Variants in SDHC observed in about 807,000 individuals in gnomAD.
The protein encoded by SDHC is succinate dehydrogenase complex subunit C, also known as succinate dehydrogenase cytochrome b560 subunit, mitochondrial.
SDHC carries 11 observed loss-of-function variants against 22.6 expected under a neutral mutation model. The ratio of observed to expected loss-of-function variants is 0.49; its 90% CI spans 0.31 to 0.81. The LOEUF (loss-of-function observed/expected upper bound fraction) is 0.81, where lower values mean the gene tolerates loss of function less well. SDHC is among the 30% of genes least tolerant of loss of function. The pLI is 0.05. For missense variants in SDHC, 160 were observed against 212.0 expected (o/e 0.75, Z 1.52); for synonymous variants, 80 against 77.8 (o/e 1.03, Z -0.15).
intron 2 of SDHC, 73 bp downstream of exon 2, chr1:161,323,743 T>C: frequency 8.8e-7 from 1 of 1,134,946 alleles, no homozygotes; most frequent in Non-Finnish European, 1.3e-6. Context: ...TCACCCAGGC[T>C]GGAGTGCAAT....
At chr1:161,341,081 C>T (rs1219660742) in intron 4 of SDHC, among the ~76,000 whole-genome samples, 1 of 152,164 alleles carries the variant, frequency 6.6e-6, no homozygotes, top group Non-Finnish European at 1.5e-5. Flanking sequence ...ACCTCATGAT[C>T]CGCCTGCCTC....
At chr1:161,341,489 A>G (rs1671717641) in intron 4 of SDHC, among the ~76,000 whole-genome samples, 1 of 152,184 alleles carries the variant, frequency 6.6e-6, no homozygotes, top group South Asian at 2.1e-4. Context: ...AAGGTTTATT[A>G]TATGGAGTGC....
At chr1:161,314,895 T>C (rs899074160) in intron 1 of SDHC, 7 of 166,398 alleles carry the variant, frequency 4.2e-5, no homozygotes, top group Non-Finnish European at 8.0e-5. Context: ...GCTGTCTGGG[T>C]TCCCAGCGGG....
In SDHC at chr1:161,328,432, G is replaced by C. The variant is rs868556406; in HGVS notation, c.114G>C (p.Met38Ile). 3.1e-6 allele frequency: 5 copies of C among 1,613,774 alleles called. No individual in the cohort carries two copies. The highest frequency in any genetic ancestry group is 3.3e-4 in the Middle Eastern group (2 of 6,042). The change falls in exon 3 of 6, where the codon ATG becomes ATC. Residue 38 changes from methionine (M) to isoleucine (I), a missense_variant. Around this residue, in one of 2 missense-constraint regions of SDHC, gnomAD observed 86 missense variants for 83.4 expected, o/e 1.03. Transcript: ENST00000367975. ...TGGGAACCACGGCCAAAGAAGAGAT[G>C]GAGCGGTTCTGGAATAAGAATATAG... is the stretch of plus-strand genomic sequence containing the variant. ...VPLGTTAKEE[M>I]ERFWNKNIGS...
chr1:161,335,724 C>A (rs1039672994), intron 3 of SDHC, among the ~76,000 whole-genome samples: 4 of 152,026 alleles, frequency 2.6e-5, no homozygotes, highest in African/African-American at 7.2e-5. Flanking sequence ...GCTTCTAGGC[C>A]CGGTCTGTGG....
chr1:161,342,961 ATGCCTAAG>A (rs1671772386), intron 4 of SDHC, among the ~76,000 whole-genome samples: 3 of 152,184 alleles, frequency 2.0e-5, no homozygotes, highest in African/African-American at 7.2e-5. Flanking sequence ...CCTGGGAGCA[ATGCCTAAG>A]TTTTATTCAT....
At chr1:161,318,103 C>T (rs1364681740) in intron 1 of SDHC, among the ~76,000 whole-genome samples, 10 of 151,402 alleles carry the variant, frequency 6.6e-5, no homozygotes, top group Admixed American at 1.3e-4. Flanking sequence ...ACCTGGGAGG[C>T]GGAGGTTGCA....
At chr1:161,327,950 C>G (rs1028016525) in intron 2 of SDHC, among the ~76,000 whole-genome samples, 1 of 151,082 alleles carries the variant, frequency 6.6e-6, no homozygotes, top group Non-Finnish European at 1.5e-5. Flanking sequence ...TAGTGTCACT[C>G]TGGCTCTCCT....
chr1:161,337,767 A>G (rs1325076114), intron 3 of SDHC, among the ~76,000 whole-genome samples: 1 of 152,008 alleles, frequency 6.6e-6, no homozygotes, highest in African/African-American at 2.4e-5. Flanking sequence ...AACAGTGCAT[A>G]TGTTTCTTCT....
chr1:161,346,286 C>T (rs546915202), intron 4 of SDHC, among the ~76,000 whole-genome samples: 1 of 152,288 alleles, frequency 6.6e-6, no homozygotes, highest in African/African-American at 2.4e-5. Context: ...TTTTTCCCAC[C>T]TTCTAATTAA....
At chr1:161,315,068 G>A (rs1173416208) in intron 1 of SDHC, among the ~76,000 whole-genome samples, 1 of 152,194 alleles carries the variant, frequency 6.6e-6, no homozygotes, top group Non-Finnish European at 1.5e-5. Flanking sequence ...TGAATTAGTT[G>A]TCCAGAGAAA....
At chr1:161,319,766 G>A (rs551258499) in intron 1 of SDHC, among the ~76,000 whole-genome samples, 1 of 152,244 alleles carries the variant, frequency 6.6e-6, no homozygotes, top group South Asian at 2.1e-4. Flanking sequence ...GAGTTTTGAA[G>A]GATGAGTTTA....
At chr1:161,342,491 G>T (rs1297726295) in intron 4 of SDHC, among the ~76,000 whole-genome samples, 1 of 151,784 alleles carries the variant, frequency 6.6e-6, no homozygotes, top group African/African-American at 2.4e-5. Flanking sequence ...CTCTCCTGTG[G>T]ATAGTTCCCT....
Position 161,362,728 on chromosome 1 carries a change from G to A in SDHC, c.*295G>A, listed in dbSNP as rs1672576428. On this transcript the variant is annotated 3_prime_UTR_variant, in exon 6 of 6. Transcript: ENST00000367975. ...CTCTCTCCATATTGGGCTTTGATTT[G>A]TGCTGAGGGTCAGCTTTTGGCTCCT... The A allele has an allele frequency of 1.7e-6, 1 of 581,658 alleles. No homozygotes were observed. Among genetic ancestry groups the A allele is most frequent in the African/African-American group, 1.9e-5 (1 of 53,440 alleles). The allele number at this position is 581,658 out of a possible 1,614,324, so 36.0% of individuals were successfully genotyped here.
intron 3 of SDHC, among the ~76,000 whole-genome samples, chr1:161,328,871 T>C (rs1023036700): frequency 2.6e-5 from 4 of 152,192 alleles, no homozygotes; most frequent in African/African-American, 9.6e-5. Flanking sequence ...GTATATAGTA[T>C]ATATGCTAAG....
intron 4 of SDHC, among the ~76,000 whole-genome samples, chr1:161,343,287 A>G (rs1671783899): frequency 6.6e-6 from 1 of 152,004 alleles, no homozygotes; most frequent in Non-Finnish European, 1.5e-5. Context: ...GGGATCCTGT[A>G]TTTAAGGAAC....
intron 3 of SDHC, among the ~76,000 whole-genome samples, chr1:161,340,338 TTTTTG>T (rs531300339): frequency 1.3e-3 from 189 of 146,290 alleles, no homozygotes; most frequent in African/African-American, 4.6e-3. Context: ...AGCTGGTGAT[TTTTTG>T]TTTTGTTTTG....
chr1:161,318,202 A>G (rs562058347), intron 1 of SDHC, among the ~76,000 whole-genome samples: 5 of 152,208 alleles, frequency 3.3e-5, no homozygotes, highest in Admixed American at 3.3e-4. Context: ...GTGTTATACA[A>G]TAGATCTCTT....
chr1:161,323,618 G>A lies in SDHC; in HGVS notation c.25G>A (p.Val9Ile), dbSNP rs774768866. The A allele has an allele frequency of 9.9e-6, 16 of 1,612,986 alleles. No homozygotes were observed. The East Asian group carries it at 2.0e-4, about 20-fold the overall frequency. The change falls in exon 2 of 6, where the codon GTT (valine) becomes ATT (isoleucine). Residue 9 changes from valine to isoleucine, a missense_variant. By Grantham distance (29) the Val-to-Ile change is conservative. Coordinates refer to ENST00000367975, the MANE Select transcript of SDHC (RefSeq NM_003001.5). ...TTTGATTCTCTTATCTTGCAGACAC[G>A]TTGGTCGTCATTGCCTCCGAGCCCA... MAALLLRH[V>I]GRHCLRAHFS...
Sources: allele counts gnomAD v4.1 joint callset (sites outside exome capture counted in the v4.1 genomes callset), GRCh38; gene constraint gnomAD v4.1.1; regional missense constraint gnomAD v4.1.1; transcripts MANE v1.5; gene names NCBI Gene and HGNC (gene_info 2026-07-23, HGNC 2026-07-21).